RBFOX1: variants seen among roughly 807,000 people sequenced by gnomAD.
The protein encoded by RBFOX1 is RNA binding protein fox-1 homolog 1.
In RBFOX1, 8 loss-of-function variants were observed where a neutral mutation model predicts 57.7. That is an observed-to-expected ratio of 0.14 (90% confidence interval 0.08 to 0.25). The LOEUF (loss-of-function observed/expected upper bound fraction) is 0.25, where lower values mean the gene tolerates loss of function less well. Among genes scored for constraint, RBFOX1 ranks in the 10% least tolerant of loss-of-function variants. The pLI is 1.00. For missense variants in RBFOX1, 611 were observed against 548.5 expected (o/e 1.11, Z -1.14); for synonymous variants, 326 against 222.4 (o/e 1.47, Z -4.15).
intron 3 of RBFOX1, among the ~76,000 whole-genome samples, chr16:5,815,037 G>T (rs1368888823): frequency 6.6e-6 from 1 of 151,570 alleles, no homozygotes; most frequent in East Asian, 1.9e-4. Context: ...AGGCTGAAGT[G>T]CAGTGGCATG....
At chr16:6,748,679 T>C (rs2074296952) in intron 3 of RBFOX1, among the ~76,000 whole-genome samples, 1 of 152,124 alleles carries the variant, frequency 6.6e-6, no homozygotes. Flanking sequence ...CCTAATTATT[T>C]GGAGTATATA....
At chr16:5,628,691 C>A (rs2048414626) in intron 3 of RBFOX1, among the ~76,000 whole-genome samples, 1 of 152,194 alleles carries the variant, frequency 6.6e-6, no homozygotes, top group African/African-American at 2.4e-5. Context: ...CTATTACAGT[C>A]CTTGATATCA....
rs148989353 is a variant in RBFOX1 at position 5,786,206 on chromosome 16, A to C, written c.319-81097A>C. Among the ~76,000 whole-genome samples, 26 of 152,278 alleles carry C rather than the reference A, an allele frequency of 1.7e-4. No individual in the cohort carries two copies. The East Asian group carries it at 5.0e-3, about 29-fold the overall frequency. On this transcript the variant is annotated intron_variant, in intron 3 of 19. Coordinates refer to the RBFOX1 transcript ENST00000641259. Reference sequence around the variant, plus strand: ...TCTCTGCCCTTCAAATGAAGTATGCATAGTCTTTCTCACCTTTTTGGACTT... The same window carrying C: ...TCTCTGCCCTTCAAATGAAGTATGCCTAGTCTTTCTCACCTTTTTGGACTT...
At chr16:7,447,607 G>A (rs971960790) in intron 4 of RBFOX1, among the ~76,000 whole-genome samples, 4 of 152,112 alleles carry the variant, frequency 2.6e-5, no homozygotes, top group African/African-American at 4.8e-5. Flanking sequence ...CAGTAATAAA[G>A]CTGATTTTAT....
intron 3 of RBFOX1, among the ~76,000 whole-genome samples, chr16:6,879,033 A>T (rs1435529920): frequency 6.6e-6 from 1 of 152,212 alleles, no homozygotes; most frequent in African/African-American, 2.4e-5. Flanking sequence ...AAACCATTTG[A>T]CCACACGTGT....
At chr16:6,753,338 G>T (rs1207634439) in intron 3 of RBFOX1, among the ~76,000 whole-genome samples, 2 of 152,188 alleles carry the variant, frequency 1.3e-5, no homozygotes, top group African/African-American at 4.8e-5. Flanking sequence ...GCATACTGCA[G>T]TATTGGAAAA....
chr16:6,373,693 C>G (rs546142019), intron 2 of RBFOX1, among the ~76,000 whole-genome samples: 2 of 151,930 alleles, frequency 1.3e-5, no homozygotes, highest in African/African-American at 2.4e-5. Flanking sequence ...GGTTTTCATG[C>G]AAGAGCATTT....
chr16:6,185,439 A>C (rs760099213), intron 1 of RBFOX1, among the ~76,000 whole-genome samples: 1 of 152,218 alleles, frequency 6.6e-6, no homozygotes, highest in Non-Finnish European at 1.5e-5. Context: ...AAGAAACCGA[A>C]GTTCAGAGGG....
intron 3 of RBFOX1, among the ~76,000 whole-genome samples, chr16:6,910,228 G>A (rs1875533497): frequency 6.6e-6 from 1 of 152,108 alleles, no homozygotes; most frequent in African/African-American, 2.4e-5. Context: ...AGTCTCATGA[G>A]ATGATTACTT....
chr16:6,222,807 C>T (rs2097384977), intron 1 of RBFOX1, among the ~76,000 whole-genome samples: 2 of 151,638 alleles, frequency 1.3e-5, no homozygotes, highest in Admixed American at 6.6e-5. Context: ...CCCATTAACT[C>T]GTCATTTAGC....
intron 4 of RBFOX1, among the ~76,000 whole-genome samples, chr16:7,133,167 T>C (rs1421959266): frequency 6.6e-6 from 1 of 152,198 alleles, no homozygotes; most frequent in Non-Finnish European, 1.5e-5. Context: ...GAGGTTTTAG[T>C]ATCAGATTCT....
chr16:6,120,862 C>G lies in RBFOX1; in HGVS notation c.-127+100870C>G, dbSNP rs78704467. 1.0e-3 allele frequency among the ~76,000 whole-genome samples: 159 copies of G among 152,244 alleles called. 1 individual carries two copies. In the East Asian group the frequency reaches 0.026, roughly 25 times the overall value. ...TTTTTATCCAAACATTTCTGGTGTA[C>G]AGAACACATGCTTCTGGATTTATGG... is the stretch of plus-strand genomic sequence containing the variant. On this transcript the variant is annotated intron_variant, in intron 1 of 15. Coordinates refer to ENST00000550418, the MANE Select transcript of RBFOX1 (RefSeq NM_018723.4).
chr16:6,166,164 T>C (rs1404546798), intron 1 of RBFOX1, among the ~76,000 whole-genome samples: 1 of 152,174 alleles, frequency 6.6e-6, no homozygotes, highest in East Asian at 1.9e-4. Flanking sequence ...GCATCTTAGT[T>C]GGCAATTCAG....
At chr16:6,648,243 T>C (rs957599275) in intron 2 of RBFOX1, among the ~76,000 whole-genome samples, 2 of 151,824 alleles carry the variant, frequency 1.3e-5, no homozygotes, top group Admixed American at 6.6e-5. Context: ...ATTTTTTTTG[T>C]AGAGACACTG....
At chr16:6,079,660 C>T (rs1422755109) in intron 1 of RBFOX1, among the ~76,000 whole-genome samples, 2 of 152,094 alleles carry the variant, frequency 1.3e-5, no homozygotes, top group Non-Finnish European at 2.9e-5. Flanking sequence ...CACAGGGAGA[C>T]CCCGTTTCTA....
At chr16:5,591,757 T>C (rs1447122813) in intron 2 of RBFOX1, among the ~76,000 whole-genome samples, 4 of 152,202 alleles carry the variant, frequency 2.6e-5, no homozygotes, top group East Asian at 1.9e-4. Flanking sequence ...CTATAACTTA[T>C]TTACTTGGCA....
chr16:6,682,613 A>G (rs1029739793), intron 3 of RBFOX1, among the ~76,000 whole-genome samples: 1 of 152,010 alleles, frequency 6.6e-6, no homozygotes, highest in Non-Finnish European at 1.5e-5. Flanking sequence ...CTGGCCTCCA[A>G]CCGCCAGATG....
chr16:6,364,626 G>C (rs1041477466), intron 2 of RBFOX1, among the ~76,000 whole-genome samples: 2 of 152,168 alleles, frequency 1.3e-5, no homozygotes, highest in African/African-American at 4.8e-5. Context: ...GTCATATAGA[G>C]GATCTTTGTG....
chr16:7,543,724 T>C (rs1450533682), intron 5 of RBFOX1, among the ~76,000 whole-genome samples: 5 of 149,630 alleles, frequency 3.3e-5, no homozygotes, highest in Admixed American at 3.3e-4. Flanking sequence ...TGTGTGTTTA[T>C]TTTTTATATA....
Sources: gnomAD v4.1 joint callset for allele counts (sites outside exome capture counted in the v4.1 genomes callset) on GRCh38, gnomAD v4.1.1 for gene constraint, MANE v1.5 for transcripts, NCBI Gene and HGNC (gene_info 2026-07-23, HGNC 2026-07-21) for gene names.